ASPG: variants seen among roughly 807,000 people sequenced by gnomAD.
ASPG encodes asparaginase.
In ASPG, 53 loss-of-function variants were observed where a neutral mutation model predicts 63.2. That is an observed-to-expected ratio of 0.84 (90% CI 0.67 to 1.05). The LOEUF (loss-of-function observed/expected upper bound fraction) is 1.05. Among genes scored for constraint, ASPG ranks in the 50% least tolerant of loss-of-function variants. The pLI is 0.00. For missense variants in ASPG, 741 were observed against 794.4 expected (o/e 0.93, Z 0.81); for synonymous variants, 370 against 355.0 (o/e 1.04, Z -0.48).
chr14:104,110,038 C>A lies in ASPG; in HGVS notation c.1520+723C>A. 1.0e-6 allele frequency: 1 copy of A among 985,424 alleles called. No homozygotes were observed. Among genetic ancestry groups the A allele is most frequent in the East Asian group, 1.1e-4 (1 of 8,804 alleles). 61.0% of individuals were successfully genotyped at this position (985,424 alleles called of 1,614,324 possible). On this transcript the variant is annotated intron_variant, in intron 13 of 15. Transcript: ENST00000551177. The surrounding 1 kb of genome is among the most constrained non-coding windows in gnomAD (Gnocchi z 4.7). Reference sequence around the variant, plus strand: ...ACAGCCAGAATCGCTGCCCCCCACCCCATGCCTTGTGCCTGGTGACTTGGC... The same window carrying A: ...ACAGCCAGAATCGCTGCCCCCCACCACATGCCTTGTGCCTGGTGACTTGGC...
rs368121504 is a variant in ASPG at position 104,107,297 on chromosome 14, C to T, written c.1385C>T (p.Thr462Ile). ...MLLQRGVDVN[T>I]RDTDGFSPLL... Reference sequence around the variant, plus strand: ...CTGCAGAGAGGTGTGGACGTGAACACCCGGGACACGGATGGCTTCAGCCCG... The same window carrying T: ...CTGCAGAGAGGTGTGGACGTGAACATCCGGGACACGGATGGCTTCAGCCCG... Residue 462 changes from threonine (T) to isoleucine (I), a missense_variant, in exon 12 of 16, where the codon ACC (threonine) becomes ATC (isoleucine). Coordinates refer to ENST00000551177, the MANE Select transcript of ASPG (RefSeq NM_001080464.3). 25 of 1,606,154 alleles carry T rather than the reference C, an allele frequency of 1.6e-5. No individual in the cohort carries two copies. In the African/African-American group the frequency reaches 2.8e-4, roughly 18 times the overall value.
At chr14:104,086,772 C>T (rs1354917138) in intron 1 of ASPG, among the ~76,000 whole-genome samples, 1 of 152,028 alleles carries the variant, frequency 6.6e-6, no homozygotes, top group East Asian at 1.9e-4. Context: ...CCTCAGGAGC[C>T]CTTTCCACTC....
chr14:104,107,058 G>A, intron 11 of ASPG, 124 bp from the exon 12 acceptor site: 3 of 1,366,044 alleles, frequency 2.2e-6, no homozygotes, highest in Non-Finnish European at 2.0e-6. Context: ...GTCTCACTGA[G>A]GCTTTGAGGG....
chr14:104,100,545 C>T (rs955469440), intron 6 of ASPG, among the ~76,000 whole-genome samples: 2 of 152,164 alleles, frequency 1.3e-5, no homozygotes, highest in Non-Finnish European at 2.9e-5. Flanking sequence ...CCTGGGCTCA[C>T]ACCCCGTCCC....
In ASPG at chr14:104,105,369, G is replaced by A. The variant is rs369980422; in HGVS notation, c.1092G>A (p.Ser364=). The A allele has an allele frequency of 1.1e-5, 17 of 1,612,456 alleles. No homozygotes were observed. The highest frequency in any genetic ancestry group is 2.7e-5 in the African/African-American group (2 of 74,912). The change falls in exon 10 of 16, where the codon TCG becomes TCA. Residue 364 remains serine (S), a synonymous_variant. Coordinates refer to ENST00000551177, the MANE Select transcript of ASPG (RefSeq NM_001080464.3). ...KDLRGEMTPP[S]VEERRPSLQG... The stretch of plus-strand genomic sequence containing the variant: ...TTCGGGGGGAGATGACGCCACCCTC[G>A]GTGGAAGAGCGCCGGCCCTCACTGC...
chr14:104,100,821 G>C (rs935859572), intron 6 of ASPG, among the ~76,000 whole-genome samples: 1 of 152,174 alleles, frequency 6.6e-6, no homozygotes, highest in Admixed American at 6.5e-5. Context: ...GCTGGCACTC[G>C]GCCCCTCCAG....
Position 104,111,134 on chromosome 14 carries a change from C to A in ASPG, c.1521-368C>A, listed in dbSNP as rs72714954. 1.0e-2 allele frequency: 9,816 copies of A among 985,402 alleles called. 61 individuals are homozygous for A. The highest frequency in any genetic ancestry group is 0.011 in the Non-Finnish European group (9,144 of 829,924). The allele number at this position is 985,402 out of a possible 1,614,324, so 61.0% of individuals were successfully genotyped here. A position where few individuals can be genotyped will look rare whatever the true frequency, so the allele number is the denominator to read the frequency against. On this transcript the variant is annotated intron_variant, in intron 13 of 15. Transcript: ENST00000551177. ...GCAGGTGGGCGTGCATATGTGTGTG[C>A]AAAGGCGCATGTGCTCATGTGTGTG...
intron 13 of ASPG, chr14:104,111,119 G>C (rs1054682114): frequency 4.1e-6 from 4 of 985,278 alleles, no homozygotes; most frequent in Non-Finnish European, 4.8e-6. Context: ...GCAGGTGGGC[G>C]TGCATATGTG....
Position 104,085,818 on chromosome 14 carries a change from C to G in ASPG, c.48C>G (p.Thr16=). 1 of 1,591,420 alleles carries G rather than the reference C, an allele frequency of 6.3e-7. No homozygotes were observed. The highest frequency in any genetic ancestry group is 8.5e-7 in the Non-Finnish European group (1 of 1,174,620). Residue 16 remains threonine, a synonymous_variant, in exon 1 of 16, where the codon ACC becomes ACG. Transcript: ENST00000551177. ...AGCGGAGGCTGCTGGCCGTCTACAC[C>G]GGCGGCACCATTGGCATGCGGAGTG... is the stretch of plus-strand genomic sequence containing the variant. ...GPERRLLAVY[T]GGTIGMRSEL...
At chr14:104,099,255 T>C (rs2036764011) in intron 6 of ASPG, among the ~76,000 whole-genome samples, 1 of 152,064 alleles carries the variant, frequency 6.6e-6, no homozygotes, top group African/African-American at 2.4e-5. Flanking sequence ...CCCTCATGTG[T>C]CCTGCCCAAC....
At position 104,097,322 on chromosome 14, in the gene ASPG, G is replaced by A. The variant is rs112216075; in HGVS notation, c.430-232G>A. Among the ~76,000 whole-genome samples the A allele has an allele frequency of 8.6e-3, 1,302 of 152,272 alleles. 20 individuals are homozygous for A. The highest frequency in any genetic ancestry group is 0.03 in the African/African-American group (1,248 of 41,544). The stretch of plus-strand genomic sequence containing the variant: ...GCTGGCATCGTCTGCAGGGACAGCT[G>A]TTGTTGGCGGCCTTGGAGACAGGCT... On this transcript the variant is annotated intron_variant, in intron 4 of 15. Coordinates refer to ENST00000551177, the MANE Select transcript of ASPG (RefSeq NM_001080464.3).
At chr14:104,089,792 T>TA (rs1566822420) in intron 1 of ASPG, among the ~76,000 whole-genome samples, 1 of 151,022 alleles carries the variant, frequency 6.6e-6, no homozygotes, top group South Asian at 2.1e-4. Context: ...CTACTAAAAA[T>TA]AAAAAATTAG....
Position 104,093,538 on chromosome 14 carries a change from A to G in ASPG, c.239A>G (p.Gln80Arg). 2 of 1,612,664 alleles carry G rather than the reference A, an allele frequency of 1.2e-6. No homozygotes were observed. The highest frequency in any genetic ancestry group is 1.7e-6 in the Non-Finnish European group (2 of 1,179,788). Residue 80 changes from glutamine to arginine, a missense_variant, in exon 3 of 16, where the codon CAG (glutamine) becomes CGG (arginine). Coordinates refer to ENST00000551177, the MANE Select transcript of ASPG (RefSeq NM_001080464.3). ...QRILYTVLEC[Q>R]PLFDSSDMTI... ...ATTCTCTACACCGTGCTGGAGTGCC[A>G]GCCCCTCTTCGACTCCAGTGACATG...
chr14:104,105,420 C>T lies in ASPG; in HGVS notation c.1143C>T (p.Val381=), dbSNP rs2037078623. 6.2e-7 allele frequency: 1 copy of T among 1,608,396 alleles called. No homozygotes were observed. Among genetic ancestry groups the T allele is most frequent in the East Asian group, 2.2e-5 (1 of 44,772 alleles). ...SLQGNTLGGG[V]SWLLSLSGSQ... ...AGGGCAACACGCTGGGCGGTGGGGTCTCCTGGCTCCTCAGTCTGAGCGGCA... is the reference window on the plus strand; with the variant it reads ...AGGGCAACACGCTGGGCGGTGGGGTTTCCTGGCTCCTCAGTCTGAGCGGCA... Residue 381 remains valine (V), a synonymous_variant, in exon 10 of 16, where the codon GTC becomes GTT. Coordinates refer to ENST00000551177, the MANE Select transcript of ASPG (RefSeq NM_001080464.3).
chr14:104,099,535 G>A (rs189360925), intron 6 of ASPG, among the ~76,000 whole-genome samples: 7 of 152,264 alleles, frequency 4.6e-5, no homozygotes, highest in Admixed American at 6.5e-5. Context: ...CACCTGAGAC[G>A]CAGGGCCACT....
chr14:104,085,743 C>T lies in ASPG; in HGVS notation c.-28C>T, dbSNP rs751111815. On this transcript the variant is annotated 5_prime_UTR_variant, in exon 1 of 16. Transcript: ENST00000551177. Reference sequence around the variant, plus strand: ...GCCCTGCGTCCCCGCTGCACACCCCCGTCCACTCCCGTGGTCCCCGGTCCG... The same window carrying T: ...GCCCTGCGTCCCCGCTGCACACCCCTGTCCACTCCCGTGGTCCCCGGTCCG... The T allele has an allele frequency of 2.6e-5, 40 of 1,556,504 alleles. No individual in the cohort carries two copies. The highest frequency in any genetic ancestry group is 2.1e-4 in the South Asian group (18 of 85,080).
At position 104,085,748 on chromosome 14, in the gene ASPG, A is replaced by T. The variant is rs564614028; in HGVS notation, c.-23A>T. 1 of 1,560,086 alleles carries T rather than the reference A, an allele frequency of 6.4e-7. No individual in the cohort carries two copies. Among genetic ancestry groups the T allele is most frequent in the Admixed American group, 1.8e-5 (1 of 56,186 alleles). On this transcript the variant is annotated 5_prime_UTR_variant, in exon 1 of 16. Coordinates refer to ENST00000551177, the MANE Select transcript of ASPG (RefSeq NM_001080464.3). ...GCGTCCCCGCTGCACACCCCCGTCC[A>T]CTCCCGTGGTCCCCGGTCCGGCATG...
At chr14:104,093,654 AGGTGTGTGGGTGGGGCTGTGGT>A in intron 3 of ASPG, 52 bp downstream of exon 3, 2 of 361,334 alleles carry the variant, frequency 5.5e-6, no homozygotes, top group South Asian at 1.0e-4. Flanking sequence ...GGTGGGGCTG[AGGTGTGTGGGTGGGGCTGTGGT>A]GTGTGGGTGG....
At chr14:104,103,743 CT>C in intron 7 of ASPG, 68 bp downstream of exon 7, 1 of 1,385,636 alleles carries the variant, frequency 7.2e-7, no homozygotes, top group Non-Finnish European at 9.9e-7. Context: ...TCCCACGGCC[CT>C]CAGGCTCCCT....
Sources: allele counts gnomAD v4.1 joint callset (sites outside exome capture counted in the v4.1 genomes callset), GRCh38; gene constraint gnomAD v4.1.1; non-coding constraint Gnocchi (gnomAD v3.1); transcripts MANE v1.5; gene names NCBI Gene and HGNC (gene_info 2026-07-23, HGNC 2026-07-21).